PDE4D: variants seen among roughly 807,000 people sequenced by gnomAD.
The protein encoded by PDE4D is phosphodiesterase 4D, also known as 3',5'-cyclic-AMP phosphodiesterase 4D.
A neutral mutation model predicts 87.4 loss-of-function variants in PDE4D; 24 were observed. The observed-to-expected ratio is 0.27, with a 90% CI of 0.20 to 0.39. The LOEUF (loss-of-function observed/expected upper bound fraction) is 0.39, where lower values mean the gene tolerates loss of function less well. Ranked by LOEUF, PDE4D falls within the 10% of genes least tolerant of loss-of-function variation. The pLI is 1.00. For synonymous variants in PDE4D, 384 were observed against 383.2 expected, an observed-to-expected ratio of 1.00 and a Z score of -0.02; for missense variants, 714 against 1,041.0, an observed-to-expected ratio of 0.69 and a Z score of 4.32.
At chr5:60,382,506 G>T (rs1293185664) in intron 1 of PDE4D, among the ~76,000 whole-genome samples, 1 of 152,032 alleles carries the variant, frequency 6.6e-6, no homozygotes, top group Non-Finnish European at 1.5e-5. Flanking sequence ...TCCTCCAGAG[G>T]TGATTTTTTA....
intron 1 of PDE4D, among the ~76,000 whole-genome samples, chr5:59,849,517 G>C (rs533253189): frequency 6.6e-6 from 1 of 151,878 alleles, no homozygotes; most frequent in South Asian, 2.1e-4. Flanking sequence ...TGTCCCCTGT[G>C]AGCTGCACTC....
intron 1 of PDE4D, among the ~76,000 whole-genome samples, chr5:60,199,775 T>C (rs1419653367): frequency 2.0e-5 from 3 of 151,862 alleles, no homozygotes; most frequent in Non-Finnish European, 4.4e-5. Flanking sequence ...ATCCAAACTC[T>C]GCTAAGATGA....
intron 1 of PDE4D, among the ~76,000 whole-genome samples, chr5:59,676,064 T>A (rs1237863428): frequency 6.6e-6 from 1 of 151,580 alleles, no homozygotes; most frequent in African/African-American, 2.4e-5. Context: ...TGGAGCTAAC[T>A]GAGATTAGGG....
intron 1 of PDE4D, among the ~76,000 whole-genome samples, chr5:59,737,135 C>T (rs971363533): frequency 1.3e-5 from 2 of 151,462 alleles, no homozygotes; most frequent in African/African-American, 4.9e-5. Context: ...TACATAATAA[C>T]ATTTAATTAA....
intron 1 of PDE4D, among the ~76,000 whole-genome samples, chr5:60,344,076 A>T (rs1341481145): frequency 6.6e-6 from 1 of 151,840 alleles, no homozygotes; most frequent in Non-Finnish European, 1.5e-5. Context: ...GAGTCCAGTG[A>T]TTCTTAAGTC....
intron 1 of PDE4D, among the ~76,000 whole-genome samples, chr5:60,486,090 T>A (rs771995050): frequency 1.1e-4 from 16 of 152,174 alleles, no homozygotes; most frequent in Non-Finnish European, 2.1e-4. Flanking sequence ...GTGGGCCACA[T>A]GGACCTAAGG....
chr5:58,992,780 T>C (rs1748213915), intron 7 of PDE4D, among the ~76,000 whole-genome samples: 1 of 152,184 alleles, frequency 6.6e-6, no homozygotes, highest in Non-Finnish European at 1.5e-5. Flanking sequence ...AAATGTTAAC[T>C]ATATATAACA....
chr5:60,044,179 G>A (rs1768880224), intron 2 of PDE4D, among the ~76,000 whole-genome samples: 1 of 151,964 alleles, frequency 6.6e-6, no homozygotes, highest in South Asian at 2.1e-4. Context: ...TACAAGACAT[G>A]ATAAATGCCT....
intron 1 of PDE4D, among the ~76,000 whole-genome samples, chr5:59,764,748 T>C (rs1437420895): frequency 7.1e-6 from 1 of 140,208 alleles, no homozygotes; most frequent in African/African-American, 2.8e-5. Context: ...CTCCGCCTCC[T>C]GAGTTCAAGT....
intron 6 of PDE4D, among the ~76,000 whole-genome samples, chr5:58,994,306 C>T (rs1165475195): frequency 1.3e-5 from 2 of 152,134 alleles, no homozygotes; most frequent in Non-Finnish European, 2.9e-5. Flanking sequence ...CATGGCATTA[C>T]CAGTATCCAA....
In PDE4D at chr5:59,786,959, T is replaced by A. The variant is rs73758889; in HGVS notation, c.455+106209A>T. Among the ~76,000 whole-genome samples, 1,232 of 152,244 alleles carry A rather than the reference T, an allele frequency of 8.1e-3. 10 individuals carry two copies. The highest frequency in any genetic ancestry group is 0.028 in the African/African-American group (1,181 of 41,540). On this transcript the variant is annotated intron_variant, in intron 1 of 14. Transcript: ENST00000340635. The stretch of plus-strand genomic sequence containing the variant: ...AATAAACAAAAGCGATAATAAAAAC[T>A]TAGCATTTTTTCAAAAACATTGGAC...
intron 2 of PDE4D, among the ~76,000 whole-genome samples, chr5:59,202,033 A>ATTTTTTTTTTTT (rs10641798): frequency 2.1e-5 from 2 of 95,258 alleles, no homozygotes; most frequent in African/African-American, 4.3e-5. Flanking sequence ...TGTTTTGATC[A>ATTTTTTTTTTTT]TTTTTTTTTT....
At chr5:60,091,854 C>T (rs1382664970) in intron 2 of PDE4D, among the ~76,000 whole-genome samples, 1 of 151,634 alleles carries the variant, frequency 6.6e-6, no homozygotes, top group African/African-American at 2.4e-5. Context: ...AGATCGAGAC[C>T]ATCCTGGCTG....
At chr5:59,256,204 C>A (rs1760934182) in intron 1 of PDE4D, among the ~76,000 whole-genome samples, 1 of 152,084 alleles carries the variant, frequency 6.6e-6, no homozygotes, top group Non-Finnish European at 1.5e-5. Flanking sequence ...AATACACTTT[C>A]TTTCTGATAA....
At chr5:59,160,638 C>G (rs140339955) in intron 5 of PDE4D, among the ~76,000 whole-genome samples, 3 of 152,238 alleles carry the variant, frequency 2.0e-5, no homozygotes, top group Admixed American at 6.5e-5. Flanking sequence ...GGCACCACGC[C>G]TGCCCCCCAA....
At chr5:60,499,888 G>A (rs964479590) in intron 1 of PDE4D, among the ~76,000 whole-genome samples, 1 of 152,196 alleles carries the variant, frequency 6.6e-6, no homozygotes, top group African/African-American at 2.4e-5. Flanking sequence ...CTTGGCTTCA[G>A]AGGTTTTTAC....
At chr5:59,765,421 C>CATACT (rs1353813888) in intron 1 of PDE4D, among the ~76,000 whole-genome samples, 1 of 152,170 alleles carries the variant, frequency 6.6e-6, no homozygotes, top group African/African-American at 2.4e-5. Flanking sequence ...GAGGGTAAAT[C>CATACT]AGATAGCCCT....
At chr5:59,078,029 C>T (rs1006491906) in intron 5 of PDE4D, among the ~76,000 whole-genome samples, 1 of 152,186 alleles carries the variant, frequency 6.6e-6, no homozygotes, top group Non-Finnish European at 1.5e-5. Context: ...GCTCCAGAAA[C>T]AACTGATTCC....
At chr5:59,345,608 G>T (rs1359361757) in intron 1 of PDE4D, among the ~76,000 whole-genome samples, 3 of 152,076 alleles carry the variant, frequency 2.0e-5, no homozygotes, top group Non-Finnish European at 4.4e-5. Flanking sequence ...GGAAAAACAG[G>T]TCCTAAAGAT....
Sources: allele counts gnomAD v4.1 joint callset (sites outside exome capture counted in the v4.1 genomes callset), GRCh38; gene constraint gnomAD v4.1.1; transcripts MANE v1.5; gene names NCBI Gene and HGNC (gene_info 2026-07-23, HGNC 2026-07-21).